Variants in CYP24A1 observed in about 807,000 individuals in gnomAD.
The protein encoded by CYP24A1 is 1,25-dihydroxyvitamin D(3) 24-hydroxylase, mitochondrial.
In CYP24A1, 68 loss-of-function variants were observed where a neutral mutation model predicts 62.4. That is an observed-to-expected ratio of 1.09 (90% confidence interval 0.90 to 1.33). CYP24A1 has a LOEUF of 1.33. Among genes scored for constraint, CYP24A1 ranks in the 40% most tolerant of loss-of-function variants. CYP24A1 has a pLI of 0.00. For missense variants in CYP24A1, 787 were observed against 653.0 expected, an observed-to-expected ratio of 1.21 and a Z score of -2.24; for synonymous variants, 267 against 253.0, an observed-to-expected ratio of 1.06 and a Z score of -0.52.
Position 54,165,826 on chromosome 20 carries a change from G to A in CYP24A1, c.648C>T (p.Cys216=), listed in dbSNP as rs1204048447. Residue 216 remains cysteine, a synonymous_variant, in exon 5 of 12, where the codon TGC becomes TGT. Transcript: ENST00000216862. ...ELNKWSFESI[C]LVLYEKRFGL... is the part of the protein sequence containing the mutation. ...CAAATCTCTTCTCATACAACACGAG[G>A]CAGATACCTGTCATTTAAAATAATC... 3 of 1,370,878 alleles carry A rather than the reference G, an allele frequency of 2.2e-6. No individual in the cohort carries two copies. The highest frequency in any genetic ancestry group is 2.3e-5 in the South Asian group (2 of 86,246). The allele number at this position is 1,370,878 out of a possible 1,614,324, so 84.9% of individuals were successfully genotyped here. A position where few individuals can be genotyped will look rare whatever the true frequency, so the allele number is the denominator to read the frequency against.
In CYP24A1 at chr20:54,159,122, G is replaced by A. The variant is rs557925285; in HGVS notation, c.992C>T (p.Thr331Ile). Residue 331 changes from threonine to isoleucine, a missense_variant and splice_region_variant, in exon 8 of 12, where the codon ACA becomes ATA. Coordinates refer to ENST00000216862, the MANE Select transcript of CYP24A1 (RefSeq NM_000782.5). Reference sequence around the variant, plus strand: ...GAGAATCCACATTAGACTGTTTGCTGTCTGCAAGCCAAATGGACATAAACT... The same window carrying A: ...GAGAATCCACATTAGACTGTTTGCTATCTGCAAGCCAAATGGACATAAACT... ...TELQLAAVET[T>I]ANSLMWILYN... is the part of the protein sequence containing the mutation. 1 of 1,612,616 alleles carries A rather than the reference G, an allele frequency of 6.2e-7. No individual in the cohort carries two copies. Among genetic ancestry groups the A allele is most frequent in the South Asian group, 1.1e-5 (1 of 91,060 alleles).
chr20:54,151,530 A>T (rs2092612373), downstream of CYP24A1, among the ~76,000 whole-genome samples: 1 of 151,496 alleles, frequency 6.6e-6, no homozygotes, highest in African/African-American at 2.4e-5. Context: ...TAATCCCATC[A>T]ATTTTGTATA....
downstream of CYP24A1, among the ~76,000 whole-genome samples, chr20:54,152,307 A>T (rs563573440): frequency 2.0e-5 from 3 of 152,206 alleles, no homozygotes; most frequent in African/African-American, 7.2e-5. Flanking sequence ...CTCCCTGGGC[A>T]CAAGGAGAAC....
chr20:54,171,564 C>G lies in CYP24A1; in HGVS notation c.543+13G>C. 6.2e-7 allele frequency: 1 copy of G among 1,613,880 alleles called. No homozygotes were observed. The highest frequency in any genetic ancestry group is 8.5e-7 in the Non-Finnish European group (1 of 1,179,850). On this transcript the variant is annotated intron_variant, in intron 3 of 11. Coordinates refer to ENST00000216862, the MANE Select transcript of CYP24A1 (RefSeq NM_000782.5). ...CCCACGAGCCCCAGGAAAGCTGGCC[C>G]CAGCCTGCAGACCTCATTGATTTTG...
the CYP24A1 span, among the ~76,000 whole-genome samples, chr20:54,146,104 C>T: frequency 2.0e-5 from 3 of 152,070 alleles, no homozygotes; most frequent in African/African-American, 7.2e-5. Context: ...TGAAAAAAAT[C>T]AATGTAATAC....
At chr20:54,152,144 C>T (rs2146450559), downstream of CYP24A1, among the ~76,000 whole-genome samples, 1 of 152,324 alleles carries the variant, frequency 6.6e-6, no homozygotes, top group East Asian at 1.9e-4. Flanking sequence ...CCAGGTTTTT[C>T]ATGCTTTGCT....
rs2092620678 is a variant in CYP24A1 at position 54,154,717 on chromosome 20, A to T, written c.*55T>A. On this transcript the variant is annotated 3_prime_UTR_variant, in exon 12 of 12. Transcript: ENST00000216862. ...TAGAATGCCTTGGATCCCAGCACTCAGTCCGCTTCCCTGAGTTGGATATGA... is the reference window on the plus strand; with the variant it reads ...TAGAATGCCTTGGATCCCAGCACTCTGTCCGCTTCCCTGAGTTGGATATGA... 6.5e-6 allele frequency: 1 copy of T among 154,252 alleles called. No homozygotes were observed. Among genetic ancestry groups the T allele is most frequent in the South Asian group, 2.1e-4 (1 of 4,838 alleles). The allele number at this position is 154,252 out of a possible 1,614,324, so 9.6% of individuals were successfully genotyped here. A position where few individuals can be genotyped will look rare whatever the true frequency, so the allele number is the denominator to read the frequency against.
chr20:54,164,705 T>C, intron 5 of CYP24A1, 142 bp from the exon 6 acceptor site: 1 of 1,509,196 alleles, frequency 6.6e-7, no homozygotes, highest in Non-Finnish European at 8.9e-7. Context: ...CGGCTCTCTC[T>C]GCACCGGTCC....
chr20:54,166,259 T>C (rs532500405), intron 4 of CYP24A1, among the ~76,000 whole-genome samples: 1 of 152,368 alleles, frequency 6.6e-6, no homozygotes, highest in Admixed American at 6.5e-5. Context: ...GGAATAATTA[T>C]GTTCTAAACA....
At chr20:54,172,862 G>C (rs1195705530) in intron 2 of CYP24A1, 47 bp downstream of exon 2, 1 of 1,612,016 alleles carries the variant, frequency 6.2e-7, no homozygotes, top group Non-Finnish European at 8.5e-7. Context: ...GCGCCGTCAG[G>C]CTCATCAGGT....
chr20:54,164,629 G>C, intron 5 of CYP24A1, 66 bp from the exon 6 acceptor site: 1 of 1,612,628 alleles, frequency 6.2e-7, no homozygotes, highest in Non-Finnish European at 8.5e-7. Context: ...GTTCGTTCTG[G>C]AAGAGGAACA....
At chr20:54,169,888 C>T (rs766457060) in intron 3 of CYP24A1, among the ~76,000 whole-genome samples, 200 bp from the exon 4 acceptor site, 4 of 152,204 alleles carry the variant, frequency 2.6e-5, no homozygotes, top group Admixed American at 6.5e-5. Context: ...TGGGTTATTT[C>T]CTGAGCTTTT....
At chr20:54,168,765 T>TCCCC (rs2092681944) in intron 4 of CYP24A1, among the ~76,000 whole-genome samples, 1 of 120,028 alleles carries the variant, frequency 8.3e-6, no homozygotes, top group Non-Finnish European at 1.8e-5. Flanking sequence ...CTTCTCTCCC[T>TCCCC]CCTTCCTTCC....
At chr20:54,168,905 C>G (rs1311219338) in intron 4 of CYP24A1, among the ~76,000 whole-genome samples, 1 of 124,754 alleles carries the variant, frequency 8.0e-6, no homozygotes, top group Admixed American at 9.2e-5. Context: ...CTCTGTCTCT[C>G]TCTCTTTCTT....
chr20:54,145,633 C>G, the CYP24A1 span, among the ~76,000 whole-genome samples: 1 of 106,602 alleles, frequency 9.4e-6, no homozygotes, highest in South Asian at 3.9e-4. Flanking sequence ...GAGCCAGACT[C>G]TGTCTCAAAA....
At chr20:54,155,755 A>C (rs1390095679) in intron 11 of CYP24A1, among the ~76,000 whole-genome samples, 1 of 151,494 alleles carries the variant, frequency 6.6e-6, no homozygotes, top group African/African-American at 2.4e-5. Flanking sequence ...AAAAAAAAAA[A>C]AAAATTAGGG....
intron 5 of CYP24A1, among the ~76,000 whole-genome samples, chr20:54,165,259 T>G (rs2092667323): frequency 6.6e-6 from 1 of 152,150 alleles, no homozygotes; most frequent in African/African-American, 2.4e-5. Flanking sequence ...CTTACAGGAG[T>G]GTGAACCCTA....
At chr20:54,144,967 C>A in the CYP24A1 span, among the ~76,000 whole-genome samples, 8 of 152,178 alleles carry the variant, frequency 5.3e-5, no homozygotes, top group East Asian at 1.5e-3. Context: ...TGAATAACTG[C>A]CATAATCATT....
chr20:54,164,524 C>T lies in CYP24A1; in HGVS notation c.772G>A (p.Glu258Lys). The T allele has an allele frequency of 3.1e-6, 5 of 1,614,066 alleles. No homozygotes were observed. Among genetic ancestry groups the T allele is most frequent in the East Asian group, 4.5e-5 (2 of 44,878 alleles). ...TFGRMMVTPV[E>K]LHKSLNTKVW... is the part of the protein sequence containing the mutation. Reference sequence around the variant, plus strand: ...TTGGTGTTGAGGCTCTTGTGCAGCTCGACTGGAGTGACCATCATCCTCCCA... The same window carrying T: ...TTGGTGTTGAGGCTCTTGTGCAGCTTGACTGGAGTGACCATCATCCTCCCA... Residue 258 changes from glutamate to lysine, a missense_variant, in exon 6 of 12, where the codon GAG becomes AAG. By Grantham distance (56) the Glu-to-Lys change is moderately conservative. Coordinates refer to ENST00000216862, the MANE Select transcript of CYP24A1 (RefSeq NM_000782.5).
Sources: gnomAD v4.1 joint callset for allele counts (sites outside exome capture counted in the v4.1 genomes callset) on GRCh38, gnomAD v4.1.1 for gene constraint, MANE v1.5 for transcripts, NCBI Gene and HGNC (gene_info 2026-07-23, HGNC 2026-07-21) for gene names.